Variants in PCDH9 observed in about 807,000 individuals in gnomAD.
The protein encoded by PCDH9 is protocadherin-9.
Under a neutral mutation model 70.6 loss-of-function variants are expected in PCDH9, and 24 were observed. The observed-to-expected ratio is 0.34, with a 90% CI of 0.25 to 0.48. The LOEUF is 0.48. Ranked by LOEUF, PCDH9 falls within the 20% of genes least tolerant of loss-of-function variation. The pLI is 0.99. For missense variants in PCDH9, 1,281 were observed against 1,503.6 expected (o/e 0.85, Z 2.45); for synonymous variants, 562 against 558.5 (o/e 1.01, Z -0.09).
intron 4 of PCDH9, among the ~76,000 whole-genome samples, chr13:66,536,690 G>A (rs9540797): frequency 0.23 from 34,597 of 151,918 alleles, 4,454 homozygotes; most frequent in South Asian, 0.34. Flanking sequence ...TCTGAAAATT[G>A]GATGAATGGA....
At chr13:66,912,747 T>C (rs1160543257) in intron 2 of PCDH9, among the ~76,000 whole-genome samples, 1 of 152,006 alleles carries the variant, frequency 6.6e-6, no homozygotes, top group African/African-American at 2.4e-5. Context: ...AAATAAACCA[T>C]ATACCTTACT....
chr13:66,986,435 A>G (rs1351571213), intron 2 of PCDH9, among the ~76,000 whole-genome samples: 3 of 152,060 alleles, frequency 2.0e-5, no homozygotes, highest in Admixed American at 1.3e-4. Flanking sequence ...CTTATGAATT[A>G]ATGATCATGA....
chr13:66,611,427 A>G (rs899624858), intron 4 of PCDH9, among the ~76,000 whole-genome samples: 1 of 152,162 alleles, frequency 6.6e-6, no homozygotes, highest in Non-Finnish European at 1.5e-5. Context: ...AATATTTCTT[A>G]TATGTAACCC....
At chr13:67,027,892 T>G (rs2084819990) in intron 2 of PCDH9, among the ~76,000 whole-genome samples, 1 of 151,812 alleles carries the variant, frequency 6.6e-6, no homozygotes, top group Non-Finnish European at 1.5e-5. Flanking sequence ...CCAGTTAGAA[T>G]GGCAATCATT....
intron 4 of PCDH9, among the ~76,000 whole-genome samples, chr13:66,323,893 T>C (rs1159803280): frequency 6.6e-6 from 1 of 152,016 alleles, no homozygotes; most frequent in East Asian, 1.9e-4. Context: ...TTAGTATCCT[T>C]GGAAGGAATG....
intron 2 of PCDH9, among the ~76,000 whole-genome samples, chr13:67,154,599 T>A (rs7997303): frequency 0.019 from 1,513 of 80,578 alleles, 87 homozygotes; most frequent in African/African-American, 0.021. Context: ...AAAAAAAATA[T>A]ATATATACAC....
Position 66,655,870 on chromosome 13 carries a change from C to T in PCDH9, c.3139-24459G>A, listed in dbSNP as rs1242345926. On this transcript the variant is annotated intron_variant, in intron 3 of 4. Transcript: ENST00000377865. ...TCTTTATTTTCCGCTGTTCTAGCTA[C>T]AAGAAATGATCTCTCCTGTTTTTAT... Among the ~76,000 whole-genome samples the T allele has an allele frequency of 2.0e-5, 3 of 152,196 alleles. No homozygotes were observed. The South Asian group carries it at 6.2e-4, about 32-fold the overall frequency.
At chr13:66,709,465 C>T (rs947882013) in intron 3 of PCDH9, among the ~76,000 whole-genome samples, 1 of 152,122 alleles carries the variant, frequency 6.6e-6, no homozygotes, top group African/African-American at 2.4e-5. Context: ...ATCATGTTGT[C>T]CCAATTTCTA....
At chr13:66,922,908 T>G (rs919975865) in intron 2 of PCDH9, among the ~76,000 whole-genome samples, 3 of 151,504 alleles carry the variant, frequency 2.0e-5, no homozygotes, top group African/African-American at 7.3e-5. Context: ...CTCATTATAT[T>G]ATTAATTTTT....
chr13:66,812,150 T>C (rs952719118), intron 3 of PCDH9, among the ~76,000 whole-genome samples: 4 of 152,144 alleles, frequency 2.6e-5, no homozygotes, highest in African/African-American at 9.7e-5. Flanking sequence ...TTGAGCCTCT[T>C]CTTTCAATAT....
At chr13:66,871,381 A>G (rs2081681067) in intron 3 of PCDH9, among the ~76,000 whole-genome samples, 2 of 151,438 alleles carry the variant, frequency 1.3e-5, no homozygotes, top group Admixed American at 6.6e-5. Context: ...TAAAACTTAA[A>G]GTATAATAAT....
chr13:67,067,901 G>A (rs2085682237), intron 2 of PCDH9, among the ~76,000 whole-genome samples: 1 of 151,928 alleles, frequency 6.6e-6, no homozygotes, highest in South Asian at 2.1e-4. Context: ...ATCCGGTAAA[G>A]GTCTGGCAAA....
At chr13:66,522,804 T>C (rs1215902669) in intron 4 of PCDH9, among the ~76,000 whole-genome samples, 2 of 151,572 alleles carry the variant, frequency 1.3e-5, no homozygotes, top group Admixed American at 1.3e-4. Flanking sequence ...GGAAGTGGAG[T>C]CCCTCAATTT....
At chr13:66,864,096 T>G (rs2081530582) in intron 3 of PCDH9, among the ~76,000 whole-genome samples, 1 of 152,106 alleles carries the variant, frequency 6.6e-6, no homozygotes, top group East Asian at 1.9e-4. Flanking sequence ...ACTGCCCCCA[T>G]AATTCAATTA....
rs139679163 is a variant in PCDH9 at position 67,055,870 on chromosome 13, G to A, written c.3037-152265C>T. Among the ~76,000 whole-genome samples the A allele has an allele frequency of 2.6e-5, 4 of 152,080 alleles. No homozygotes were observed. In the East Asian group the frequency reaches 7.7e-4, roughly 29 times the overall value. ...CAGTGCAATAATTACAGAACACAGA[G>A]GGCCAGGGACGGTGGCTTAAGCCTA... On this transcript the variant is annotated intron_variant, in intron 2 of 4. Transcript: ENST00000377865.
At chr13:67,114,319 G>T (rs1375147366) in intron 2 of PCDH9, among the ~76,000 whole-genome samples, 3 of 152,004 alleles carry the variant, frequency 2.0e-5, no homozygotes, top group African/African-American at 7.2e-5. Context: ...TACATGAAAA[G>T]AATAAGAATC....
intron 4 of PCDH9, among the ~76,000 whole-genome samples, chr13:66,567,097 T>G (rs1566423390): frequency 6.6e-6 from 1 of 152,144 alleles, no homozygotes; most frequent in East Asian, 1.9e-4. Context: ...TATTAGAACT[T>G]TAGCCAGTCC....
chr13:66,623,447 T>C (rs1280008048), intron 4 of PCDH9, among the ~76,000 whole-genome samples: 1 of 152,186 alleles, frequency 6.6e-6, no homozygotes, highest in Non-Finnish European at 1.5e-5. Flanking sequence ...TTTTCTTTTT[T>C]TTTTGTTAAG....
intron 2 of PCDH9, among the ~76,000 whole-genome samples, chr13:67,070,625 C>G (rs1566403960): frequency 6.6e-6 from 1 of 152,088 alleles, no homozygotes; most frequent in Non-Finnish European, 1.5e-5. Context: ...CATTGCAATT[C>G]CCACTGATTA....
Sources: allele counts gnomAD v4.1 joint callset (sites outside exome capture counted in the v4.1 genomes callset), GRCh38; gene constraint gnomAD v4.1.1; transcripts MANE v1.5; gene names NCBI Gene and HGNC (gene_info 2026-07-23, HGNC 2026-07-21).